The following PIK3C3 variants were observed in gnomAD, a reference collection of about 807,000 sequenced individuals.
PIK3C3 encodes the protein phosphatidylinositol 3-kinase catalytic subunit type 3, also known as PI3-kinase type 3.
Under a neutral mutation model 126.1 loss-of-function variants are expected in PIK3C3, and 95 were observed. That is an observed-to-expected ratio of 0.75 (90% confidence interval 0.64 to 0.89). The LOEUF (loss-of-function observed/expected upper bound fraction) is 0.89. PIK3C3 is among the 40% of genes least tolerant of loss of function. The pLI is 0.00. For synonymous variants in PIK3C3, 374 were observed against 360.0 expected (o/e 1.04, Z -0.44); for missense variants, 829 against 1,063.2 (o/e 0.78, Z 3.06).
intron 2 of PIK3C3, among the ~76,000 whole-genome samples, chr18:41,959,793 C>CA (rs921408024): frequency 4.7e-5 from 7 of 149,856 alleles, no homozygotes; most frequent in East Asian, 3.9e-4. Context: ...GACTCCATCT[C>CA]AAAAAAAAAG....
intron 24 of PIK3C3, among the ~76,000 whole-genome samples, chr18:42,068,194 A>G (rs1985620986): frequency 6.6e-6 from 1 of 152,062 alleles, no homozygotes; most frequent in South Asian, 2.1e-4. Context: ...CCAGTATCTC[A>G]CCAAGCCGTG....
chr18:42,030,059 T>G (rs1443377941), intron 15 of PIK3C3, among the ~76,000 whole-genome samples: 2 of 152,170 alleles, frequency 1.3e-5, no homozygotes, highest in Admixed American at 6.5e-5. Flanking sequence ...TCAGACATTC[T>G]TAGTCCATAT....
At chr18:42,018,691 C>G (rs1443707497) in intron 12 of PIK3C3, among the ~76,000 whole-genome samples, 1 of 152,102 alleles carries the variant, frequency 6.6e-6, no homozygotes, top group African/African-American at 2.4e-5. Flanking sequence ...GATCCCTACT[C>G]TTTCATTATT....
intron 15 of PIK3C3, among the ~76,000 whole-genome samples, chr18:42,031,841 G>A (rs1222463288): frequency 6.6e-6 from 1 of 152,164 alleles, no homozygotes; most frequent in Non-Finnish European, 1.5e-5. Context: ...TACGAAATAT[G>A]TATTGCATGC....
intron 9 of PIK3C3, among the ~76,000 whole-genome samples, chr18:42,002,743 A>G (rs547922691): frequency 2.1e-4 from 32 of 152,186 alleles, no homozygotes; most frequent in Non-Finnish European, 4.6e-4. Flanking sequence ...TTGAGCTTCT[A>G]AGAGTTTGTA....
intron 21 of PIK3C3, among the ~76,000 whole-genome samples, chr18:42,055,588 A>G (rs1243750810): frequency 6.6e-6 from 1 of 152,154 alleles, no homozygotes; most frequent in Non-Finnish European, 1.5e-5. Context: ...GCCAGGTTAT[A>G]TATAAAAAAT....
intron 12 of PIK3C3, among the ~76,000 whole-genome samples, chr18:42,019,855 G>A (rs534353514): frequency 1.4e-4 from 22 of 152,152 alleles, no homozygotes; most frequent in Non-Finnish European, 2.5e-4. Context: ...TGAAATCTCC[G>A]TTTGTGCCAT....
At chr18:42,032,103 G>A (rs1001967603) in intron 15 of PIK3C3, among the ~76,000 whole-genome samples, 1 of 152,210 alleles carries the variant, frequency 6.6e-6, no homozygotes, top group African/African-American at 2.4e-5. Flanking sequence ...GCCTCACTGA[G>A]AAATTGACAT....
At chr18:41,988,427 T>C (rs1323463481) in intron 5 of PIK3C3, among the ~76,000 whole-genome samples, 1 of 152,202 alleles carries the variant, frequency 6.6e-6, no homozygotes, top group Non-Finnish European at 1.5e-5. Flanking sequence ...ATGAGAGTCC[T>C]GCCAAAAGTT....
At chr18:42,068,807 A>G (rs1278934004) in intron 24 of PIK3C3, among the ~76,000 whole-genome samples, 2 of 152,030 alleles carry the variant, frequency 1.3e-5, no homozygotes, top group African/African-American at 4.8e-5. Flanking sequence ...AAAATTAGCC[A>G]GGTGTGATGG....
At chr18:42,079,619 A>G (rs2144541449) in intron 24 of PIK3C3, among the ~76,000 whole-genome samples, 1 of 152,324 alleles carries the variant, frequency 6.6e-6, no homozygotes, top group African/African-American at 2.4e-5. Flanking sequence ...GAGGTGCAGT[A>G]AAGCTAAGCA....
chr18:41,994,760 A>G (rs979784205), intron 7 of PIK3C3, among the ~76,000 whole-genome samples: 3 of 152,150 alleles, frequency 2.0e-5, no homozygotes, highest in Non-Finnish European at 4.4e-5. Context: ...AACTAGGCCA[A>G]ACATGGTGGC....
At chr18:41,955,532 C>T in intron 1 of PIK3C3, 173 bp downstream of exon 1, 1 of 563,296 alleles carries the variant, frequency 1.8e-6, no homozygotes, top group Non-Finnish European at 3.2e-6. Flanking sequence ...TGGAGAGGGG[C>T]TCTTTTGGAA....
intron 3 of PIK3C3, among the ~76,000 whole-genome samples, chr18:41,969,386 A>T (rs1980540353): frequency 6.6e-6 from 1 of 152,220 alleles, no homozygotes; most frequent in South Asian, 2.1e-4. Context: ...ATCAGAAAGA[A>T]ACATGGGAAC....
chr18:41,995,648 G>A (rs1170374106), intron 7 of PIK3C3, among the ~76,000 whole-genome samples: 3 of 152,110 alleles, frequency 2.0e-5, no homozygotes, highest in Non-Finnish European at 4.4e-5. Context: ...GTGAAGGGAC[G>A]ATGTTTTAAG....
intron 4 of PIK3C3, among the ~76,000 whole-genome samples, chr18:41,975,178 T>A (rs1980853287): frequency 6.6e-6 from 1 of 152,194 alleles, no homozygotes; most frequent in Non-Finnish European, 1.5e-5. Flanking sequence ...AGGGTCTAGA[T>A]CTCAGGTTTA....
intron 12 of PIK3C3, 51 bp downstream of exon 12, chr18:42,015,617 A>G: frequency 8.2e-7 from 1 of 1,213,792 alleles, no homozygotes; most frequent in Non-Finnish European, 1.2e-6. Context: ...TACTGCATGA[A>G]CATTTTATAC....
At chr18:41,978,509 C>G (rs1008275612) in intron 4 of PIK3C3, among the ~76,000 whole-genome samples, 1 of 152,088 alleles carries the variant, frequency 6.6e-6, no homozygotes, top group South Asian at 2.1e-4. Flanking sequence ...TGGTCCCATT[C>G]TCAAGGGGAC....
chr18:41,980,183 A>T (rs1359261599), intron 4 of PIK3C3, among the ~76,000 whole-genome samples: 4 of 152,078 alleles, frequency 2.6e-5, no homozygotes, highest in Non-Finnish European at 5.9e-5. Context: ...CTTTCAATTG[A>T]TTATATATGT....
Sources: allele counts gnomAD v4.1 joint callset (sites outside exome capture counted in the v4.1 genomes callset), GRCh38; gene constraint gnomAD v4.1.1; transcripts MANE v1.5; gene names NCBI Gene and HGNC (gene_info 2026-07-23, HGNC 2026-07-21).